The following ENTPD1 variants were observed in gnomAD, a reference collection of about 807,000 sequenced individuals.
ENTPD1 encodes the protein ATP diphosphohydrolase.
A neutral mutation model predicts 57.0 loss-of-function variants in ENTPD1; 33 were observed. The ratio of observed to expected loss-of-function variants is 0.58; its 90% CI spans 0.44 to 0.77. The LOEUF (loss-of-function observed/expected upper bound fraction) is 0.77, where lower values mean the gene tolerates loss of function less well. Among genes scored for constraint, ENTPD1 ranks in the 30% least tolerant of loss-of-function variants. ENTPD1 has a pLI of 0.00. For synonymous variants in ENTPD1, 202 were observed against 218.8 expected (o/e 0.92, Z 0.68); for missense variants, 501 against 603.4 (o/e 0.83, Z 1.78).
At chr10:95,794,814 T>C (rs2098219527) in intron 1 of ENTPD1, among the ~76,000 whole-genome samples, 1 of 152,090 alleles carries the variant, frequency 6.6e-6, no homozygotes, top group South Asian at 2.1e-4. Flanking sequence ...AAGGGAATGT[T>C]CTAGGCAGAG....
intron 1 of ENTPD1, among the ~76,000 whole-genome samples, chr10:95,742,541 C>CTTTTTTTTTTTTT: frequency 7.1e-6 from 1 of 140,664 alleles, no homozygotes; most frequent in Non-Finnish European, 1.5e-5. Flanking sequence ...TTTCTTTTTT[C>CTTTTTTTTTTTTT]TTTTTTTTTT....
intron 1 of ENTPD1, among the ~76,000 whole-genome samples, chr10:95,809,515 G>C (rs2098290039): frequency 1.4e-5 from 2 of 139,082 alleles, no homozygotes; most frequent in Non-Finnish European, 3.1e-5. Context: ...TCCCAGACGG[G>C]GCAGATGCTG....
At chr10:95,747,836 C>T (rs1232425301) in intron 1 of ENTPD1, among the ~76,000 whole-genome samples, 1 of 151,838 alleles carries the variant, frequency 6.6e-6, no homozygotes, top group East Asian at 1.9e-4. Flanking sequence ...TGGCTTTGAT[C>T]AGTTTATTGT....
At chr10:95,815,912 A>T (rs1041020404) in intron 1 of ENTPD1, among the ~76,000 whole-genome samples, 1 of 152,200 alleles carries the variant, frequency 6.6e-6, no homozygotes, top group African/African-American at 2.4e-5. Flanking sequence ...AGGACTTTAT[A>T]GGCGGCCATC....
At chr10:95,860,635 T>C in intron 8 of ENTPD1, 53 bp downstream of exon 8, 1 of 1,491,470 alleles carries the variant, frequency 6.7e-7, no homozygotes, top group South Asian at 1.1e-5. Context: ...GTGTCGTTGC[T>C]GATGCAGAGG....
upstream of ENTPD1, chr10:95,756,032 A>C: frequency 6.8e-7 from 1 of 1,469,866 alleles, no homozygotes; most frequent in Non-Finnish European, 9.0e-7. Flanking sequence ...TGGACTCCTC[A>C]GTCAATCTGT....
intron 1 of ENTPD1, among the ~76,000 whole-genome samples, chr10:95,810,527 G>T (rs902210578): frequency 6.6e-6 from 1 of 152,096 alleles, no homozygotes; most frequent in African/African-American, 2.4e-5. Context: ...TGGGGTGGTG[G>T]CCGGGCAGAG....
chr10:95,851,541 T>C (rs1379194817), intron 7 of ENTPD1, among the ~76,000 whole-genome samples: 2 of 151,744 alleles, frequency 1.3e-5, no homozygotes, highest in Non-Finnish European at 2.9e-5. Context: ...TAACTCGTCA[T>C]TTACATTAGG....
intron 1 of ENTPD1, among the ~76,000 whole-genome samples, chr10:95,822,184 G>A (rs2098355184): frequency 6.6e-6 from 1 of 151,652 alleles, no homozygotes; most frequent in Non-Finnish European, 1.5e-5. Flanking sequence ...ATTTTCAGTA[G>A]AGACGGGGTT....
In ENTPD1 at chr10:95,845,535, A is replaced by G. The variant is rs146962497; in HGVS notation, c.752A>G (p.His251Arg). ...GGCAAGGACTACAATGTCTACACAC[A>G]TAGCTTCTTGTGCTATGGGAAGGAT... is the stretch of plus-strand genomic sequence containing the variant. ...LYGKDYNVYT[H>R]SFLCYGKDQA... The change falls in exon 6 of 10, where the codon CAT becomes CGT. Residue 251 changes from histidine to arginine, a missense_variant. Transcript: ENST00000371205. 2.5e-6 allele frequency: 4 copies of G among 1,614,104 alleles called. No homozygotes were observed. The highest frequency in any genetic ancestry group is 1.1e-5 in the South Asian group (1 of 91,082).
chr10:95,830,251 A>G (rs1160027153), intron 2 of ENTPD1, among the ~76,000 whole-genome samples: 1 of 152,190 alleles, frequency 6.6e-6, no homozygotes, highest in Non-Finnish European at 1.5e-5. Flanking sequence ...TTGAAATCAT[A>G]TGCAATCCCT....
intron 1 of ENTPD1, among the ~76,000 whole-genome samples, chr10:95,738,055 G>C (rs1468353437): frequency 6.6e-6 from 1 of 152,200 alleles, no homozygotes; most frequent in African/African-American, 2.4e-5. Flanking sequence ...GAAAGGAAGG[G>C]AGGGAAGATG....
Position 95,737,107 on chromosome 10 carries a change from T to C in ENTPD1, c.37+25114T>C, listed in dbSNP as rs78111984. ...ATTTATGGGGGGTTAGGCAAATGAA[T>C]CTTTGTCCTCTCAACAAGTATTTAC... On this transcript the variant is annotated intron_variant, in intron 1 of 9. Coordinates refer to the ENTPD1 transcript ENST00000453258. Among the ~76,000 whole-genome samples the C allele has an allele frequency of 6.6e-5, 10 of 152,266 alleles. No individual in the cohort carries two copies. The East Asian group carries it at 9.6e-4, about 15-fold the overall frequency.
At chr10:95,751,854 G>A (rs965608256), upstream of ENTPD1, among the ~76,000 whole-genome samples, 1 of 152,162 alleles carries the variant, frequency 6.6e-6, no homozygotes, top group African/African-American at 2.4e-5. Context: ...ATGGAAATAT[G>A]GATCTGGTGC....
intron 1 of ENTPD1, among the ~76,000 whole-genome samples, chr10:95,728,481 A>G (rs978948965): frequency 6.6e-6 from 1 of 152,220 alleles, no homozygotes; most frequent in African/African-American, 2.4e-5. Flanking sequence ...GTACATATCA[A>G]GCAATTCATC....
chr10:95,753,540 T>C (rs549537780), upstream of ENTPD1: 11 of 152,370 alleles, frequency 7.2e-5, no homozygotes, highest in East Asian at 2.1e-3. Context: ...TTACCTCTCC[T>C]GGTTAAACCA....
chr10:95,833,153 C>T (rs1475995983), intron 2 of ENTPD1, among the ~76,000 whole-genome samples: 1 of 152,190 alleles, frequency 6.6e-6, no homozygotes, highest in Non-Finnish European at 1.5e-5. Context: ...ATTATTTTTA[C>T]TCTATTGGAT....
chr10:95,866,155 A>G (rs1467015325), intron 9 of ENTPD1, 22 bp from the exon 10 acceptor site: 1 of 1,607,804 alleles, frequency 6.2e-7, no homozygotes, highest in Non-Finnish European at 8.5e-7. Flanking sequence ...AACCACAAAC[A>G]GACTTTCCCC....
chr10:95,727,392 C>G (rs1266223649), intron 1 of ENTPD1, among the ~76,000 whole-genome samples: 1 of 152,176 alleles, frequency 6.6e-6, no homozygotes, highest in Non-Finnish European at 1.5e-5. Flanking sequence ...AAGGTCTCTA[C>G]CTCCTGTTTG....
Sources: gnomAD v4.1 joint callset for allele counts (sites outside exome capture counted in the v4.1 genomes callset) on GRCh38, gnomAD v4.1.1 for gene constraint, MANE v1.5 for transcripts, NCBI Gene and HGNC (gene_info 2026-07-23, HGNC 2026-07-21) for gene names.